The following RFC3 variants were observed in gnomAD, a reference collection of about 807,000 sequenced individuals.
RFC3 encodes the protein replication factor C subunit 3.
RFC3 carries 41 observed loss-of-function variants against 45.1 expected under a neutral mutation model. That is an observed-to-expected ratio of 0.91 (90% confidence interval 0.71 to 1.18). The LOEUF is 1.18. Among genes scored for constraint, RFC3 ranks in the 50% most tolerant of loss-of-function variants. RFC3 has a pLI of 0.00. For synonymous variants in RFC3, 149 were observed against 144.0 expected, an observed-to-expected ratio of 1.03 and a Z score of -0.25; for missense variants, 423 against 428.1, an observed-to-expected ratio of 0.99 and a Z score of 0.10.
At chr13:33,874,995 T>C (rs1593657338) in intron 8 of RFC3, among the ~76,000 whole-genome samples, 1 of 152,338 alleles carries the variant, frequency 6.6e-6, no homozygotes, top group East Asian at 1.9e-4. Flanking sequence ...CCTGTGCTTT[T>C]GGTATTGAAA....
chr13:33,829,103 A>G (rs1231409871), intron 4 of RFC3, among the ~76,000 whole-genome samples: 1 of 152,216 alleles, frequency 6.6e-6, no homozygotes, highest in East Asian at 1.9e-4. Flanking sequence ...GGGCAGATCT[A>G]AATGCTACAT....
intron 8 of RFC3, among the ~76,000 whole-genome samples, chr13:33,881,974 G>A (rs1374958936): frequency 6.6e-6 from 1 of 152,170 alleles, no homozygotes; most frequent in Admixed American, 6.5e-5. Flanking sequence ...TTACTGGCTT[G>A]AGGGTTTTTA....
In RFC3 at chr13:33,829,860, A is replaced by C. The variant is rs768090866; in HGVS notation, c.416A>C (p.Lys139Thr). The change falls in exon 5 of 9, where the codon AAA becomes ACA. Residue 139 changes from lysine (K) to threonine (T), a missense_variant. Transcript: ENST00000380071. ...GTGGTATTATTGACAGAAGTTGACA[A>C]ACTCACCAAAGATGCTCAGCATGCC... ...FKVVLLTEVD[K>T]LTKDAQHALR... is the part of the protein sequence containing the mutation. The C allele has an allele frequency of 1.9e-6, 3 of 1,614,108 alleles. No individual in the cohort carries two copies. The highest frequency in any genetic ancestry group is 1.3e-5 in the African/African-American group (1 of 75,030).
chr13:33,836,624 T>C lies in RFC3; in HGVS notation c.*329T>C. The C allele has an allele frequency of 9.9e-7, 1 of 1,009,760 alleles. No individual in the cohort carries two copies. Among genetic ancestry groups the C allele is most frequent in the South Asian group, 4.6e-5 (1 of 21,884 alleles). The allele number at this position is 1,009,760 out of a possible 1,614,324, so 62.6% of individuals were successfully genotyped here. ...CACCTGCTAAAGGAGATTTACACATTAGAAAGCAAAGATTATTTTCATTTA... is the reference window on the plus strand; with the variant it reads ...CACCTGCTAAAGGAGATTTACACATCAGAAAGCAAAGATTATTTTCATTTA... On this transcript the variant is annotated 3_prime_UTR_variant, in exon 9 of 9. Transcript: ENST00000380071.
At chr13:33,870,034 A>G (rs1781563125) in intron 8 of RFC3, among the ~76,000 whole-genome samples, 2 of 152,248 alleles carry the variant, frequency 1.3e-5, no homozygotes, top group Non-Finnish European at 2.9e-5. Context: ...ACAAAATACC[A>G]TGAGTGAGCT....
intron 8 of RFC3, among the ~76,000 whole-genome samples, chr13:33,938,523 C>CATAGTGTT (rs1328507476): frequency 1.3e-5 from 2 of 151,892 alleles, no homozygotes; most frequent in Non-Finnish European, 2.9e-5. Flanking sequence ...GTTAAAAATC[C>CATAGTGTT]ATTTATTTGG....
chr13:33,889,873 A>C (rs998620507), intron 8 of RFC3, among the ~76,000 whole-genome samples: 4 of 152,206 alleles, frequency 2.6e-5, no homozygotes, highest in African/African-American at 9.6e-5. Context: ...AATATTACTA[A>C]GCTATAAAGA....
chr13:33,891,660 CA>C (rs2082563982), intron 8 of RFC3, among the ~76,000 whole-genome samples: 1 of 151,864 alleles, frequency 6.6e-6, no homozygotes, highest in African/African-American at 2.4e-5. Context: ...TGAACAACAA[CA>C]AAAAAAGTGA....
At chr13:33,861,716 A>G (rs544962150) in intron 8 of RFC3, among the ~76,000 whole-genome samples, 2 of 152,000 alleles carry the variant, frequency 1.3e-5, no homozygotes, top group African/African-American at 2.4e-5. Flanking sequence ...ACTGCACTTC[A>G]ATGGCAAGGA....
At chr13:33,861,294 A>G (rs1034093427) in intron 8 of RFC3, among the ~76,000 whole-genome samples, 2 of 152,140 alleles carry the variant, frequency 1.3e-5, no homozygotes, top group Non-Finnish European at 2.9e-5. Flanking sequence ...TGATCTCTCT[A>G]TTTTACAAGC....
intron 3 of RFC3, among the ~76,000 whole-genome samples, chr13:33,824,773 T>G (rs1197138422): frequency 6.6e-6 from 1 of 152,168 alleles, no homozygotes; most frequent in East Asian, 1.9e-4. Flanking sequence ...CCTGTATTAT[T>G]ACATTTAATC....
At chr13:33,970,132 A>G, downstream of RFC3, among the ~76,000 whole-genome samples, 1 of 151,712 alleles carries the variant, frequency 6.6e-6, no homozygotes, top group East Asian at 1.9e-4. Flanking sequence ...GTTCCCCCTA[A>G]ATGTTCATGT....
chr13:33,856,426 A>G (rs1292849974), intron 8 of RFC3, among the ~76,000 whole-genome samples: 1 of 152,184 alleles, frequency 6.6e-6, no homozygotes, highest in Non-Finnish European at 1.5e-5. Flanking sequence ...CTGTACAACA[A>G]ACACCCATGA....
In RFC3 at chr13:33,821,176, A is replaced by G; in HGVS notation, c.132A>G (p.Ser44=). ...DFPHLLVYGP[S]GAGKKTRIMC... The stretch of plus-strand genomic sequence containing the variant: ...CTCATCTGTTAGTGTACGGACCATC[A>G]GGTGCTGGAAAAAAGACAAGAATTA... The change falls in exon 2 of 9, where the codon TCA becomes TCG. Residue 44 remains serine (S), a synonymous_variant. Transcript: ENST00000380071. 1.2e-6 allele frequency: 2 copies of G among 1,613,646 alleles called. No homozygotes were observed. Among genetic ancestry groups the G allele is most frequent in the African/African-American group, 1.3e-5 (1 of 75,008 alleles).
rs559286589 is a variant in RFC3, at chr13:33,882,593, G to T, written c.879+47376G>T. On this transcript the variant is annotated intron_variant, in intron 8 of 8. Transcript: ENST00000434425. ...GTGTGAGGATACAAACAGGAGGCAG[G>T]ACCTCACCCAACAGTGGACCTGCTA... is the stretch of plus-strand genomic sequence containing the variant. Among the ~76,000 whole-genome samples, 55 of 152,290 alleles carry T rather than the reference G, an allele frequency of 3.6e-4. 1 individual carries two copies. The highest frequency in any genetic ancestry group is 1.3e-3 in the African/African-American group (55 of 41,554).
At chr13:33,922,447 A>G (rs1462027422) in intron 8 of RFC3, among the ~76,000 whole-genome samples, 1 of 152,086 alleles carries the variant, frequency 6.6e-6, no homozygotes, top group African/African-American at 2.4e-5. Flanking sequence ...AGGTTGTCAT[A>G]TATCATCATA....
chr13:33,944,359 C>T (rs763463961), intron 8 of RFC3, among the ~76,000 whole-genome samples: 1 of 152,176 alleles, frequency 6.6e-6, no homozygotes, highest in African/African-American at 2.4e-5. Flanking sequence ...TTCCTTCCAA[C>T]GCTGCTCATT....
chr13:33,858,574 A>T (rs2082321358), intron 8 of RFC3, among the ~76,000 whole-genome samples: 1 of 152,180 alleles, frequency 6.6e-6, no homozygotes, highest in South Asian at 2.1e-4. Context: ...ATGTTCCAGG[A>T]TGGAAACTTT....
intron 8 of RFC3, among the ~76,000 whole-genome samples, chr13:33,915,848 G>A (rs1160707842): frequency 6.6e-6 from 1 of 152,020 alleles, no homozygotes; most frequent in African/African-American, 2.4e-5. Flanking sequence ...ACTCAGGCTG[G>A]AGTGCAGCGG....
Sources: gnomAD v4.1 joint callset for allele counts (sites outside exome capture counted in the v4.1 genomes callset) on GRCh38, gnomAD v4.1.1 for gene constraint, MANE v1.5 for transcripts, NCBI Gene and HGNC (gene_info 2026-07-23, HGNC 2026-07-21) for gene names.